Variants in PDE6C observed in about 807,000 individuals in gnomAD.
PDE6C encodes the protein cone cGMP-specific 3',5'-cyclic phosphodiesterase subunit alpha'.
PDE6C carries 75 observed loss-of-function variants against 113.1 expected under a neutral mutation model. The ratio of observed to expected loss-of-function variants is 0.66; its 90% CI spans 0.55 to 0.80. The LOEUF (loss-of-function observed/expected upper bound fraction) is 0.80, where lower values mean the gene tolerates loss of function less well. Among genes scored for constraint, PDE6C ranks in the 30% least tolerant of loss-of-function variants. PDE6C has a pLI of 0.00. For synonymous variants in PDE6C, 375 were observed against 363.7 expected (o/e 1.03, Z -0.35); for missense variants, 912 against 1,038.6 (o/e 0.88, Z 1.67).
Position 93,626,829 on chromosome 10 carries a change from A to C in PDE6C, c.1029A>C (p.Thr343=), listed in dbSNP as rs769085822. 20 of 1,613,850 alleles carry C rather than the reference A, an allele frequency of 1.2e-5. No homozygotes were observed. Among genetic ancestry groups the C allele is most frequent in the South Asian group, 2.2e-5 (2 of 91,078 alleles). ...VIPTPPADHW[T]LISGLPTYVA... is the part of the protein sequence containing the mutation. The stretch of plus-strand genomic sequence containing the variant: ...GGACGCCTCCTGCAGACCACTGGAC[A>C]CTCATTAGTGGGTTGCCAACATATG... Residue 343 remains threonine (T), a synonymous_variant, in exon 7 of 22, where the codon ACA becomes ACC. Coordinates refer to ENST00000371447, the MANE Select transcript of PDE6C (RefSeq NM_006204.4).
chr10:93,657,359 A>AT (rs1300976845), intron 16 of PDE6C, among the ~76,000 whole-genome samples: 1 of 67,428 alleles, frequency 1.5e-5, no homozygotes, highest in Admixed American at 1.7e-4. Context: ...TTTTTTTTGT[A>AT]TTTTAGTAGA....
Position 93,620,956 on chromosome 10 carries a change from C to T in PDE6C, c.699C>T (p.Tyr233=), listed in dbSNP as rs2058442931. The stretch of plus-strand genomic sequence containing the variant: ...GGCTTCATCACACCAGCTACATGTA[C>T]AATATTGAATCCCGAAGAAGCCAGG... ...ILRLHHTSYM[Y]NIESRRSQIL... Residue 233 remains tyrosine, a synonymous_variant, in exon 3 of 22, where the codon TAC becomes TAT. Transcript: ENST00000371447. 1 of 1,613,748 alleles carries T rather than the reference C, an allele frequency of 6.2e-7. No homozygotes were observed. Among genetic ancestry groups the T allele is most frequent in the South Asian group, 1.1e-5 (1 of 91,072 alleles).
At position 93,612,826 on chromosome 10, in the gene PDE6C, G is replaced by A. The variant is rs772889663; in HGVS notation, c.101G>A (p.Gly34Glu). 6.4e-5 allele frequency: 104 copies of A among 1,614,074 alleles called. No individual in the cohort carries two copies. Among genetic ancestry groups the A allele is most frequent in the Non-Finnish European group, 8.6e-5 (101 of 1,180,036 alleles). Residue 34 changes from glycine (G) to glutamate (E), a missense_variant, in exon 1 of 22, where the codon GGA becomes GAA. Transcript: ENST00000371447. ...AGGAAGTTGCGGGTGGAGGTGCTGG[G>A]AGAAATCTTCAAGAACAGCCAGGTG... ...FDRKLRVEVL[G>E]EIFKNSQVPV...
At chr10:93,638,170 G>A (rs1056913977) in intron 11 of PDE6C, among the ~76,000 whole-genome samples, 1 of 152,126 alleles carries the variant, frequency 6.6e-6, no homozygotes, top group Non-Finnish European at 1.5e-5. Context: ...GCTATAACCT[G>A]TTTTCCACCA....
chr10:93,658,863 T>A (rs772346593), intron 16 of PDE6C, 38 bp from the exon 17 acceptor site: 3 of 1,211,702 alleles, frequency 2.5e-6, no homozygotes, highest in African/African-American at 3.0e-5. Context: ...TCTCTTTTCA[T>A]AAGCTAAAAT....
At chr10:93,660,865 C>T (rs2058662894) in intron 18 of PDE6C, among the ~76,000 whole-genome samples, 1 of 152,040 alleles carries the variant, frequency 6.6e-6, no homozygotes, top group Non-Finnish European at 1.5e-5. Flanking sequence ...CTAATAGATG[C>T]TCACATCAAC....
intron 14 of PDE6C, among the ~76,000 whole-genome samples, chr10:93,643,695 A>G (rs576266867): frequency 1.8e-5 from 2 of 111,960 alleles, no homozygotes; most frequent in East Asian, 5.0e-4. Flanking sequence ...GTGGCCAACT[A>G]ATTCTTTTTT....
intron 12 of PDE6C, 32 bp downstream of exon 12, chr10:93,640,248 G>A: frequency 6.3e-7 from 1 of 1,591,362 alleles, no homozygotes; most frequent in Non-Finnish European, 8.6e-7. Flanking sequence ...AATACTGTGT[G>A]ATTCTGTGGC....
chr10:93,649,868 G>C (rs1051331025), intron 15 of PDE6C, among the ~76,000 whole-genome samples: 1 of 152,160 alleles, frequency 6.6e-6, no homozygotes, highest in African/African-American at 2.4e-5. Context: ...GCCTCCCAAA[G>C]TGCTGGGATT....
At chr10:93,645,929 C>T in intron 14 of PDE6C, 31 bp from the exon 15 acceptor site, 1 of 1,314,236 alleles carries the variant, frequency 7.6e-7, no homozygotes, top group African/African-American at 1.4e-5. Flanking sequence ...TTTTAAACAG[C>T]TAGAATCATG....
chr10:93,618,339 G>T (rs2058429934), intron 1 of PDE6C, among the ~76,000 whole-genome samples: 1 of 152,048 alleles, frequency 6.6e-6, no homozygotes, highest in African/African-American at 2.4e-5. Flanking sequence ...TTCACATCAG[G>T]AATTCTAGGC....
chr10:93,622,112 C>T, intron 4 of PDE6C, 40 bp downstream of exon 4: 3 of 1,585,624 alleles, frequency 1.9e-6, no homozygotes, highest in African/African-American at 1.3e-5. Flanking sequence ...TCTCACATCG[C>T]CTATATAACA....
At chr10:93,625,682 T>C in intron 5 of PDE6C, 33 bp downstream of exon 5, 1 of 1,454,462 alleles carries the variant, frequency 6.9e-7, no homozygotes, top group Non-Finnish European at 9.7e-7. Flanking sequence ...ATGCCATCTG[T>C]GCATGGTGTC....
At chr10:93,635,292 A>G (rs1564799803) in intron 9 of PDE6C, among the ~76,000 whole-genome samples, 1 of 152,016 alleles carries the variant, frequency 6.6e-6, no homozygotes, top group Non-Finnish European at 1.5e-5. Context: ...TCTTCTATTC[A>G]TGGTGCATGG....
chr10:93,617,208 A>T (rs1393322683), intron 1 of PDE6C, among the ~76,000 whole-genome samples: 1 of 152,186 alleles, frequency 6.6e-6, no homozygotes, highest in African/African-American at 2.4e-5. Flanking sequence ...AGAACCATCA[A>T]GGGACACACG....
intron 7 of PDE6C, 89 bp from the exon 8 acceptor site, chr10:93,629,169 C>G: frequency 9.3e-7 from 1 of 1,077,938 alleles, no homozygotes; most frequent in Non-Finnish European, 1.4e-6. Flanking sequence ...AATCCTCACT[C>G]CCAATGCGTT....
chr10:93,617,342 A>G (rs968810155), intron 1 of PDE6C, among the ~76,000 whole-genome samples: 1 of 152,236 alleles, frequency 6.6e-6, no homozygotes, highest in Non-Finnish European at 1.5e-5. Flanking sequence ...TTCAGATGCA[A>G]TAATAAGCAA....
chr10:93,657,980 G>A (rs1156430220), intron 16 of PDE6C, among the ~76,000 whole-genome samples: 1 of 151,838 alleles, frequency 6.6e-6, no homozygotes, highest in Admixed American at 6.6e-5. Flanking sequence ...AGACCAGCCT[G>A]GGCAACATAG....
At chr10:93,632,376 C>T (rs770949281) in intron 8 of PDE6C, among the ~76,000 whole-genome samples, 1 of 152,150 alleles carries the variant, frequency 6.6e-6, no homozygotes, top group African/African-American at 2.4e-5. Context: ...TAGGGTTCCT[C>T]GAAGTGGACT....
Sources: gnomAD v4.1 joint callset for allele counts (sites outside exome capture counted in the v4.1 genomes callset) on GRCh38, gnomAD v4.1.1 for gene constraint, MANE v1.5 for transcripts, NCBI Gene and HGNC (gene_info 2026-07-23, HGNC 2026-07-21) for gene names.